Variants in CNTN5 observed in about 807,000 individuals in gnomAD.
CNTN5 encodes contactin-5.
CNTN5 carries 77 observed loss-of-function variants against 129.1 expected under a neutral mutation model. The observed-to-expected ratio is 0.60, with a 90% CI of 0.50 to 0.72. The LOEUF (loss-of-function observed/expected upper bound fraction) is 0.72, where lower values mean the gene tolerates loss of function less well. CNTN5 is among the 30% of genes least tolerant of loss of function. CNTN5 has a pLI of 0.00. For missense variants in CNTN5, 1,478 were observed against 1,328.8 expected (o/e 1.11, Z -1.75); for synonymous variants, 509 against 465.6 (o/e 1.09, Z -1.20).
intron 8 of CNTN5, among the ~76,000 whole-genome samples, chr11:99,997,853 A>G (rs1939560650): frequency 6.6e-6 from 1 of 152,178 alleles, no homozygotes; most frequent in Non-Finnish European, 1.5e-5. Context: ...GATTCAATAT[A>G]CGCATATCAA....
At chr11:99,967,371 G>A (rs1951122628) in intron 8 of CNTN5, among the ~76,000 whole-genome samples, 1 of 152,114 alleles carries the variant, frequency 6.6e-6, no homozygotes, top group Non-Finnish European at 1.5e-5. Context: ...TATGTATCAG[G>A]TATTTTGTTA....
Position 99,679,159 on chromosome 11 carries a change from CTATATAGGGAATATATATAAATATTTTA to C in CNTN5, c.55+122910_55+122937del, listed in dbSNP as rs564308984. ...AAATATATATAAGTACATATAACCT[CTATATAGGGAATATATATAAATATTTTA>C]TATATAGGGAATATATATATATATA... On this transcript the variant is annotated intron_variant, in intron 3 of 24. Transcript: ENST00000524871. Among the ~76,000 whole-genome samples the C allele has an allele frequency of 4.0e-3, 579 of 145,396 alleles. 3 individuals carry two copies. The highest frequency in any genetic ancestry group is 6.3e-3 in the Non-Finnish European group (419 of 66,714).
In CNTN5 at chr11:100,357,719, C is replaced by G. The variant is rs1007194800; in HGVS notation, c.*1499C>G. ...CTGTATTTGCTTCATTAATAACAAG[C>G]AAAATGAAACAATATGGAGCTCAAA... On this transcript the variant is annotated 3_prime_UTR_variant, in exon 25 of 25. Coordinates refer to ENST00000524871, the MANE Select transcript of CNTN5 (RefSeq NM_014361.4). The G allele has an allele frequency of 3.3e-5, 5 of 151,360 alleles. No homozygotes were observed. Among genetic ancestry groups the G allele is most frequent in the African/African-American group, 1.2e-4 (5 of 41,136 alleles). The allele number at this position is 151,360 out of a possible 1,614,324, so 9.4% of individuals were successfully genotyped here.
In CNTN5 at chr11:100,350,277, G is replaced by T. The variant is rs185282639; in HGVS notation, c.3031-425G>T. ...AAGCATAACAGACTCTCCATGATCT[G>T]CCTCCTCTCTACCTACTTCTCTAGC... is the stretch of plus-strand genomic sequence containing the variant. On this transcript the variant is annotated intron_variant, in intron 23 of 24. Transcript: ENST00000524871. Among the ~76,000 whole-genome samples, 299 of 151,538 alleles carry T rather than the reference G, an allele frequency of 2.0e-3. 2 individuals carry two copies. The highest frequency in any genetic ancestry group is 3.4e-3 in the Middle Eastern group (1 of 292).
chr11:99,109,297 G>T (rs1414771443), intron 1 of CNTN5, among the ~76,000 whole-genome samples: 1 of 151,684 alleles, frequency 6.6e-6, no homozygotes, highest in African/African-American at 2.4e-5. Context: ...TGGTAGTTTG[G>T]TATATTCTAA....
chr11:100,336,773 C>G (rs552613166), intron 21 of CNTN5: 4 of 307,506 alleles, frequency 1.3e-5, no homozygotes, highest in African/African-American at 4.3e-5. Context: ...TAGAGCGGTA[C>G]GGCAGCCTCC....
intron 1 of CNTN5, among the ~76,000 whole-genome samples, chr11:99,265,381 T>G (rs1053997545): frequency 1.3e-5 from 2 of 152,062 alleles, no homozygotes; most frequent in Non-Finnish European, 2.9e-5. Flanking sequence ...AAAAGGGTGA[T>G]AATATTGCAA....
chr11:99,162,829 C>A (rs1001721679), intron 1 of CNTN5, among the ~76,000 whole-genome samples: 3 of 152,136 alleles, frequency 2.0e-5, no homozygotes, highest in Admixed American at 6.5e-5. Flanking sequence ...AATAAATGAT[C>A]AGTGAATGTG....
chr11:99,702,884 G>T (rs1954583406), intron 3 of CNTN5, among the ~76,000 whole-genome samples: 1 of 150,938 alleles, frequency 6.6e-6, no homozygotes, highest in South Asian at 2.1e-4. Context: ...ATTTATTTTT[G>T]TTTGTGAGAT....
At chr11:99,535,119 G>T (rs1298843513) in intron 2 of CNTN5, among the ~76,000 whole-genome samples, 3 of 152,110 alleles carry the variant, frequency 2.0e-5, no homozygotes, top group African/African-American at 7.2e-5. Flanking sequence ...TGATGAGCTT[G>T]GTGAAGTGAT....
chr11:99,598,375 C>CCTCT (rs1314553033), intron 3 of CNTN5, among the ~76,000 whole-genome samples: 188 of 9,662 alleles, frequency 0.019, 41 homozygotes, highest in Non-Finnish European at 0.029. Flanking sequence ...TCTCTCTCTC[C>CCTCT]CTCTCTCTCT....
intron 3 of CNTN5, among the ~76,000 whole-genome samples, chr11:99,759,918 A>T (rs1944524037): frequency 6.6e-6 from 1 of 152,096 alleles, no homozygotes; most frequent in South Asian, 2.1e-4. Flanking sequence ...TGACAGAGAA[A>T]CTGTGCTGGA....
intron 3 of CNTN5, among the ~76,000 whole-genome samples, chr11:99,591,929 A>G (rs1949992976): frequency 6.6e-6 from 1 of 152,208 alleles, no homozygotes; most frequent in South Asian, 2.1e-4. Context: ...TTGAAATTCC[A>G]ATAGAGATGG....
At chr11:99,161,770 T>C (rs10892828) in intron 1 of CNTN5, among the ~76,000 whole-genome samples, 39,418 of 152,118 alleles carry the variant, frequency 0.26, 5,540 homozygotes, top group Middle Eastern at 0.32. Flanking sequence ...TCAGAAACCA[T>C]TGTAGGTAGC....
chr11:99,047,052 T>A (rs971202092), intron 1 of CNTN5, among the ~76,000 whole-genome samples: 2 of 152,020 alleles, frequency 1.3e-5, no homozygotes, highest in African/African-American at 4.8e-5. Context: ...TTCTGCTGTG[T>A]CCATCTATCT....
At chr11:99,461,379 T>C (rs1007174460) in intron 2 of CNTN5, among the ~76,000 whole-genome samples, 4 of 152,108 alleles carry the variant, frequency 2.6e-5, no homozygotes, top group Non-Finnish European at 1.5e-5. Context: ...AATGTTGTCA[T>C]TCACTTATAA....
chr11:99,723,209 A>G (rs1943229615), intron 3 of CNTN5, among the ~76,000 whole-genome samples: 2 of 149,924 alleles, frequency 1.3e-5, no homozygotes, highest in African/African-American at 2.4e-5. Context: ...TCCTCCCTTT[A>G]TTATCGATTC....
intron 3 of CNTN5, among the ~76,000 whole-genome samples, chr11:99,629,546 A>G (rs886456360): frequency 6.6e-6 from 1 of 151,926 alleles, no homozygotes; most frequent in Non-Finnish European, 1.5e-5. Context: ...TATTAAGGGG[A>G]TAAGATAAAG....
intron 2 of CNTN5, among the ~76,000 whole-genome samples, chr11:99,526,770 T>C (rs1947503805): frequency 6.6e-6 from 1 of 152,224 alleles, no homozygotes; most frequent in Admixed American, 6.5e-5. Flanking sequence ...ACATATTCAT[T>C]ATGTGTACAT....
Sources: gnomAD v4.1 joint callset for allele counts (sites outside exome capture counted in the v4.1 genomes callset) on GRCh38, gnomAD v4.1.1 for gene constraint, MANE v1.5 for transcripts, NCBI Gene and HGNC (gene_info 2026-07-23, HGNC 2026-07-21) for gene names.